SIPA1L1: variants seen among roughly 807,000 people sequenced by gnomAD.
SIPA1L1 encodes the protein signal induced proliferation associated 1 like 1, also known as signal-induced proliferation-associated 1-like protein 1.
In SIPA1L1, 26 loss-of-function variants were observed where a neutral mutation model predicts 162.7. The observed-to-expected ratio is 0.16, with a 90% confidence interval of 0.12 to 0.22. The LOEUF is 0.22. Ranked by LOEUF, SIPA1L1 falls within the 10% of genes least tolerant of loss-of-function variation. The probability of loss-of-function intolerance (pLI) is 1.00; values close to 1 mark genes in which losing one functional copy is unlikely to be tolerated. For synonymous variants in SIPA1L1, 829 were observed against 837.4 expected (o/e 0.99, Z 0.17); for missense variants, 1,874 against 2,241.0 (o/e 0.84, Z 3.31).
At chr14:71,349,739 C>T (rs573727898) in intron 2 of SIPA1L1, among the ~76,000 whole-genome samples, 5 of 152,264 alleles carry the variant, frequency 3.3e-5, no homozygotes, top group Admixed American at 1.3e-4. Context: ...CTCCTGCTGC[C>T]GGAGGAACAA....
intron 13 of SIPA1L1, among the ~76,000 whole-genome samples, chr14:71,688,248 GA>G (rs1451721062): frequency 6.6e-6 from 1 of 152,162 alleles, no homozygotes; most frequent in Non-Finnish European, 1.5e-5. Flanking sequence ...TTTGAGCACT[GA>G]CATGATGCTC....
At chr14:71,497,488 C>T (rs2049884092) in intron 2 of SIPA1L1, among the ~76,000 whole-genome samples, 1 of 152,218 alleles carries the variant, frequency 6.6e-6, no homozygotes, top group Non-Finnish European at 1.5e-5. Flanking sequence ...TTTATAGTCA[C>T]CTCTTTGCCT....
intron 2 of SIPA1L1, among the ~76,000 whole-genome samples, chr14:71,345,972 A>T (rs1182505383): frequency 6.6e-6 from 1 of 151,932 alleles, no homozygotes; most frequent in African/African-American, 2.4e-5. Context: ...CAGTGGCACG[A>T]TCTTCGCTCA....
intron 2 of SIPA1L1, among the ~76,000 whole-genome samples, chr14:71,363,728 A>G (rs2038017930): frequency 6.6e-6 from 1 of 152,212 alleles, no homozygotes; most frequent in Non-Finnish European, 1.5e-5. Flanking sequence ...AGCAGATTTT[A>G]TTTCCTAACT....
chr14:71,516,348 ACCTGTC>A (rs778120289), intron 3 of SIPA1L1, among the ~76,000 whole-genome samples: 41 of 152,178 alleles, frequency 2.7e-4, no homozygotes, highest in Non-Finnish European at 5.1e-4. Flanking sequence ...AAACAATCTC[ACCTGTC>A]CCTGTAGCTG....
chr14:71,711,347 C>T (rs188668711), intron 17 of SIPA1L1, among the ~76,000 whole-genome samples: 16 of 152,340 alleles, frequency 1.1e-4, no homozygotes, highest in Middle Eastern at 3.4e-3. Context: ...CACTCGCTGG[C>T]TGTTCTTGGC....
At chr14:71,408,296 C>T (rs2042167435) in intron 2 of SIPA1L1, among the ~76,000 whole-genome samples, 1 of 152,078 alleles carries the variant, frequency 6.6e-6, no homozygotes, top group African/African-American at 2.4e-5. Context: ...CTTTCGTATT[C>T]CTTTATATGA....
chr14:71,395,514 T>G (rs1266815887), intron 2 of SIPA1L1, among the ~76,000 whole-genome samples: 3 of 152,138 alleles, frequency 2.0e-5, no homozygotes, highest in Non-Finnish European at 2.9e-5. Context: ...TAAAAAACAA[T>G]TAGCTGGGCG....
intron 9 of SIPA1L1, among the ~76,000 whole-genome samples, chr14:71,660,485 A>C (rs1253869804): frequency 6.6e-6 from 1 of 152,034 alleles, no homozygotes; most frequent in Non-Finnish European, 1.5e-5. Context: ...TGTATGCCTT[A>C]ATGTCACCAG....
intron 2 of SIPA1L1, among the ~76,000 whole-genome samples, chr14:71,397,481 A>G (rs1388500022): frequency 1.3e-5 from 2 of 151,372 alleles, no homozygotes; most frequent in Non-Finnish European, 2.9e-5. Flanking sequence ...TGTCTTTCAC[A>G]ATACTATTGA....
At chr14:71,335,668 T>C (rs955562750) in intron 2 of SIPA1L1, among the ~76,000 whole-genome samples, 10 of 152,200 alleles carry the variant, frequency 6.6e-5, no homozygotes, top group Non-Finnish European at 1.3e-4. Flanking sequence ...GCAGAAGTTA[T>C]TTTGGATAGT....
chr14:71,454,090 A>C (rs1435222292), intron 2 of SIPA1L1, among the ~76,000 whole-genome samples: 1 of 151,108 alleles, frequency 6.6e-6, no homozygotes, highest in Non-Finnish European at 1.5e-5. Flanking sequence ...AATAACATGG[A>C]GACTGAACAA....
chr14:71,382,460 A>C (rs769128265), intron 2 of SIPA1L1, among the ~76,000 whole-genome samples: 1 of 152,250 alleles, frequency 6.6e-6, no homozygotes, highest in Non-Finnish European at 1.5e-5. Flanking sequence ...AAGCCTAAAC[A>C]AATTTACATT....
intron 2 of SIPA1L1, among the ~76,000 whole-genome samples, chr14:71,370,293 G>C (rs2038758796): frequency 6.6e-6 from 1 of 151,902 alleles, no homozygotes; most frequent in Admixed American, 6.6e-5. Context: ...TATATTGGCT[G>C]TGGGTTTGTC....
intron 8 of SIPA1L1, among the ~76,000 whole-genome samples, 185 bp from the exon 9 acceptor site, chr14:71,658,148 A>G (rs1191237477): frequency 6.6e-6 from 1 of 151,952 alleles, no homozygotes; most frequent in Non-Finnish European, 1.5e-5. Flanking sequence ...TCTGATCCGT[A>G]GGCTTCACTA....
chr14:71,631,436 A>G (rs2040562589), intron 7 of SIPA1L1, among the ~76,000 whole-genome samples: 1 of 152,190 alleles, frequency 6.6e-6, no homozygotes, highest in Admixed American at 6.5e-5. Context: ...ATGTATGTGT[A>G]GATTTAAGTC....
rs376851317 is a variant in SIPA1L1 at position 71,499,074 on chromosome 14, T to C, written c.-464-13669T>C. ...GTATATTCCTCAAGTTGTTATTGCATAAAAGAAACATTTAAATCATGGTTT... is the reference window on the plus strand; with the variant it reads ...GTATATTCCTCAAGTTGTTATTGCACAAAAGAAACATTTAAATCATGGTTT... On this transcript the variant is annotated intron_variant, in intron 2 of 23. Transcript: ENST00000381232. 3.9e-5 allele frequency among the ~76,000 whole-genome samples: 6 copies of C among 152,222 alleles called. No individual in the cohort carries two copies. In the East Asian group the frequency reaches 1.2e-3, roughly 29 times the overall value.
At position 71,587,685 on chromosome 14, in the gene SIPA1L1, C is replaced by T. The variant is rs1027056832; in HGVS notation, c.-188C>T. ...GCAAAGAAACTGTTGTGGATTATAA[C>T]GTTTAGAAGTTCCAATTTTTCAGTG... On this transcript the variant is annotated 5_prime_UTR_variant, in exon 5 of 24. It adds an upstream start codon to the 5' untranslated region. Transcript: ENST00000381232. 11 of 569,600 alleles carry T rather than the reference C, an allele frequency of 1.9e-5. No individual in the cohort carries two copies. The highest frequency in any genetic ancestry group is 9.6e-5 in the Admixed American group (3 of 31,362). The allele number at this position is 569,600 out of a possible 1,614,324, so 35.3% of individuals were successfully genotyped here. A position where few individuals can be genotyped will look rare whatever the true frequency, so the allele number is the denominator to read the frequency against.
At chr14:71,560,609 A>G (rs1055957945) in intron 4 of SIPA1L1, among the ~76,000 whole-genome samples, 1 of 152,234 alleles carries the variant, frequency 6.6e-6, no homozygotes, top group African/African-American at 2.4e-5. Flanking sequence ...GTCCATGGCC[A>G]CAGGGCAAAA....
Sources: gnomAD v4.1 joint callset for allele counts (sites outside exome capture counted in the v4.1 genomes callset) on GRCh38, gnomAD v4.1.1 for gene constraint, MANE v1.5 for transcripts, NCBI Gene and HGNC (gene_info 2026-07-23, HGNC 2026-07-21) for gene names.